Variants in APLP2 observed in about 807,000 individuals in gnomAD.
The protein encoded by APLP2 is amyloid beta precursor like protein 2.
In APLP2, 53 loss-of-function variants were observed where a neutral mutation model predicts 89.9. The observed-to-expected ratio is 0.59, with a 90% CI of 0.47 to 0.74. The LOEUF (loss-of-function observed/expected upper bound fraction) is 0.74, where lower values mean the gene tolerates loss of function less well. Ranked by LOEUF, APLP2 falls within the 30% of genes least tolerant of loss-of-function variation. The pLI is 0.00. For missense variants in APLP2, 973 were observed against 975.9 expected (o/e 1.00, Z 0.04); for synonymous variants, 372 against 348.6 (o/e 1.07, Z -0.75).
chr11:130,140,867 A>G (rs899750743), intron 14 of APLP2: 11 of 154,754 alleles, frequency 7.1e-5, no homozygotes, highest in African/African-American at 2.7e-4. Context: ...TGTCATTTAT[A>G]GTTCTGGATT....
Position 130,073,585 on chromosome 11 carries a change from G to C in APLP2, c.105+3503G>C, listed in dbSNP as rs1278702864. Among the ~76,000 whole-genome samples the C allele has an allele frequency of 4.6e-5, 7 of 152,226 alleles. No homozygotes were observed. The East Asian group carries it at 1.3e-3, about 29-fold the overall frequency. The stretch of plus-strand genomic sequence containing the variant: ...TCACCAGGCGCGGTGGCTCACGCCT[G>C]TAATCCTAGCACTTTGGGAGGCCGA... On this transcript the variant is annotated intron_variant, in intron 1 of 16. Transcript: ENST00000338167.
At chr11:130,090,759 G>C (rs9917803) in intron 1 of APLP2, among the ~76,000 whole-genome samples, 29 of 143,734 alleles carry the variant, frequency 2.0e-4, no homozygotes, top group Non-Finnish European at 3.5e-4. Context: ...ATCCTGGCCC[G>C]CTCTCAATGA....
intron 1 of APLP2, among the ~76,000 whole-genome samples, chr11:130,075,275 G>T (rs541735668): frequency 6.6e-6 from 1 of 152,118 alleles, no homozygotes; most frequent in African/African-American, 2.4e-5. Context: ...TCAGCCTCCC[G>T]AGTATCTAGG....
intron 1 of APLP2, among the ~76,000 whole-genome samples, chr11:130,083,264 G>T (rs1943550704): frequency 6.6e-6 from 1 of 151,874 alleles, no homozygotes; most frequent in African/African-American, 2.4e-5. Flanking sequence ...TCCTGAACTC[G>T]TGGCCTCAAG....
chr11:130,092,998 A>G (rs1299632058), intron 1 of APLP2, among the ~76,000 whole-genome samples: 1 of 152,108 alleles, frequency 6.6e-6, no homozygotes, highest in African/African-American at 2.4e-5. Context: ...ACATAGATGA[A>G]ACTAAATGTG....
At chr11:130,136,672 C>G (rs901651582) in intron 13 of APLP2, among the ~76,000 whole-genome samples, 16 of 152,130 alleles carry the variant, frequency 1.1e-4, no homozygotes, top group Non-Finnish European at 1.5e-5. Flanking sequence ...TCTAAACTAG[C>G]GATCCCAGAG....
chr11:130,109,826 G>A, intron 2 of APLP2: 1 of 445,114 alleles, frequency 2.2e-6, no homozygotes, highest in Non-Finnish European at 3.9e-6. Flanking sequence ...AAGGGATACT[G>A]CAGAAGCCTG....
chr11:130,092,638 T>C lies in APLP2; in HGVS notation c.106-16791T>C, dbSNP rs1469933328. Among the ~76,000 whole-genome samples the C allele has an allele frequency of 3.4e-4, 42 of 123,580 alleles. No homozygotes were observed. In the East Asian group the frequency reaches 0.012, roughly 34 times the overall value. 81.1% of individuals were successfully genotyped at this position (123,580 alleles called of 152,430 possible). On this transcript the variant is annotated intron_variant, in intron 1 of 16. Coordinates refer to ENST00000338167, the MANE Select transcript of APLP2 (RefSeq NM_001142276.2). ...AGGCAGGAGAATCAGGCAGGGAGGTTGCAGTGAGCCGAGATGGCAGCAGTA... is the reference window on the plus strand; with the variant it reads ...AGGCAGGAGAATCAGGCAGGGAGGTCGCAGTGAGCCGAGATGGCAGCAGTA...
intron 1 of APLP2, among the ~76,000 whole-genome samples, chr11:130,097,627 G>T (rs1946383773): frequency 6.6e-6 from 1 of 152,122 alleles, no homozygotes; most frequent in African/African-American, 2.4e-5. Context: ...ATCCTGGGAG[G>T]TTGAGGCTGC....
chr11:130,121,172 C>G (rs1949776491), intron 4 of APLP2, among the ~76,000 whole-genome samples: 2 of 152,216 alleles, frequency 1.3e-5, no homozygotes, highest in Non-Finnish European at 2.9e-5. Context: ...ACAGGCAGGA[C>G]TGCATGCCAT....
intron 1 of APLP2, among the ~76,000 whole-genome samples, chr11:130,093,435 C>A (rs879404092): frequency 6.6e-6 from 1 of 152,106 alleles, no homozygotes; most frequent in Non-Finnish European, 1.5e-5. Context: ...AATTTAAAGA[C>A]GTTCAGATAA....
intron 3 of APLP2, among the ~76,000 whole-genome samples, chr11:130,111,496 C>G (rs1350594727): frequency 6.6e-6 from 1 of 152,174 alleles, no homozygotes; most frequent in Non-Finnish European, 1.5e-5. Flanking sequence ...TTAACTTATT[C>G]TCCTCTCTCC....
At chr11:130,116,489 T>C (rs1332175269) in intron 3 of APLP2, among the ~76,000 whole-genome samples, 1 of 149,022 alleles carries the variant, frequency 6.7e-6, no homozygotes, top group Admixed American at 6.6e-5. Flanking sequence ...TATCTTTTTC[T>C]TTTTTTCTTT....
intron 1 of APLP2, among the ~76,000 whole-genome samples, chr11:130,108,398 T>C (rs1948087530): frequency 6.6e-6 from 1 of 152,150 alleles, no homozygotes; most frequent in African/African-American, 2.4e-5. Context: ...GGGCTAAGGA[T>C]ATGAACAGAC....
chr11:130,092,715 G>A (rs1286130635), intron 1 of APLP2, among the ~76,000 whole-genome samples: 1 of 136,288 alleles, frequency 7.3e-6, no homozygotes, highest in Non-Finnish European at 1.6e-5. Context: ...GAGGGAGGGG[G>A]AGGGGGAGGG....
intron 1 of APLP2, among the ~76,000 whole-genome samples, chr11:130,083,224 G>T (rs766813691): frequency 6.6e-6 from 1 of 151,644 alleles, no homozygotes; most frequent in Non-Finnish European, 1.5e-5. Context: ...TTTTTGTGGA[G>T]ATGGGGACTT....
At chr11:130,091,263 G>C (rs1945073213) in intron 1 of APLP2, among the ~76,000 whole-genome samples, 3 of 138,194 alleles carry the variant, frequency 2.2e-5, no homozygotes, top group African/African-American at 8.6e-5. Flanking sequence ...CTGGCCGGGC[G>C]GGGGGCTGAC....
At position 130,109,477 on chromosome 11, in the gene APLP2, A is replaced by G. The variant is rs1948260928; in HGVS notation, c.154A>G (p.Ile52Val). 2 of 1,613,690 alleles carry G rather than the reference A, an allele frequency of 1.2e-6. No homozygotes were observed. The highest frequency in any genetic ancestry group is 1.7e-5 in the Admixed American group (1 of 59,958). The change falls in exon 2 of 17, where the codon ATC becomes GTC. Residue 52 changes from isoleucine (I) to valine (V), a missense_variant. By Grantham distance (29) the Ile-to-Val change is conservative. Coordinates refer to ENST00000338167, the MANE Select transcript of APLP2 (RefSeq NM_001142276.2). ...AGGATTTGCTGTTGCTGAGCCTCAA[A>G]TCGCAATGTTTTGTGGGAAGTTAAA... is the stretch of plus-strand genomic sequence containing the variant. Reference protein sequence around the residue: ...GTGFAVAEPQIAMFCGKLNMH... With the variant: ...GTGFAVAEPQVAMFCGKLNMH...
intron 11 of APLP2, among the ~76,000 whole-genome samples, chr11:130,132,314 G>A (rs1168835842): frequency 1.3e-5 from 2 of 152,148 alleles, no homozygotes; most frequent in African/African-American, 4.8e-5. Context: ...GCTTTGAAAG[G>A]TCAGAGAGAT....
Sources: allele counts gnomAD v4.1 joint callset (sites outside exome capture counted in the v4.1 genomes callset), GRCh38; gene constraint gnomAD v4.1.1; transcripts MANE v1.5; gene names NCBI Gene and HGNC (gene_info 2026-07-23, HGNC 2026-07-21).